Variants in MB21D2 observed in about 807,000 individuals in gnomAD.
The protein encoded by MB21D2 is nucleotidyltransferase MB21D2.
Under a neutral mutation model 33.3 loss-of-function variants are expected in MB21D2, and 9 were observed. The ratio of observed to expected loss-of-function variants is 0.27; its 90% confidence interval spans 0.16 to 0.47. The LOEUF (loss-of-function observed/expected upper bound fraction) is 0.47. Ranked by LOEUF, MB21D2 falls within the 20% of genes least tolerant of loss-of-function variation. The pLI is 0.99. For synonymous variants in MB21D2, 241 were observed against 236.3 expected (o/e 1.02, Z -0.18); for missense variants, 540 against 624.6 (o/e 0.86, Z 1.44).
intron 1 of MB21D2, among the ~76,000 whole-genome samples, chr3:192,857,961 C>A (rs950447177): frequency 3.9e-5 from 6 of 152,032 alleles, no homozygotes; most frequent in African/African-American, 1.4e-4. Context: ...CCTATCTCTA[C>A]TAAAATTACA....
chr3:192,914,114 T>C (rs546512012), intron 1 of MB21D2, among the ~76,000 whole-genome samples: 5 of 152,280 alleles, frequency 3.3e-5, no homozygotes, highest in African/African-American at 1.2e-4. Flanking sequence ...TAGTCTCAAG[T>C]AGGAGAAGAG....
chr3:192,888,574 G>C lies in MB21D2; in HGVS notation c.211+29056C>G, dbSNP rs117378106. 6.6e-5 allele frequency among the ~76,000 whole-genome samples: 10 copies of C among 152,158 alleles called. No homozygotes were observed. In the East Asian group the frequency reaches 1.7e-3, roughly 26 times the overall value. On this transcript the variant is annotated intron_variant, in intron 1 of 1. Coordinates refer to ENST00000392452, the MANE Select transcript of MB21D2 (RefSeq NM_178496.4). ...ACTTAACCAAAGTCTTCCGTCCTCA[G>C]AGAAATGCTCTATTATCTGGTAGAC...
chr3:192,817,722 G>C lies in MB21D2; in HGVS notation c.212-18072C>G, dbSNP rs557256674. The stretch of plus-strand genomic sequence containing the variant: ...AGCCAGGGTCCTCACATCTCTCACA[G>C]GGACAACTGCAATACCTCCGAACTA... On this transcript the variant is annotated intron_variant, in intron 1 of 1. Coordinates refer to ENST00000392452, the MANE Select transcript of MB21D2 (RefSeq NM_178496.4). Among the ~76,000 whole-genome samples, 30 of 152,106 alleles carry C rather than the reference G, an allele frequency of 2.0e-4. 1 individual carries two copies. The South Asian group carries it at 4.4e-3, about 22-fold the overall frequency.
chr3:192,907,630 G>T (rs957587884), intron 1 of MB21D2, among the ~76,000 whole-genome samples: 2 of 152,086 alleles, frequency 1.3e-5, no homozygotes, highest in Non-Finnish European at 2.9e-5. Context: ...TTTCTCAAAG[G>T]CCTGACCTAA....
chr3:192,873,697 C>CTT (rs1315195441), intron 1 of MB21D2, among the ~76,000 whole-genome samples: 1 of 151,734 alleles, frequency 6.6e-6, no homozygotes, highest in Non-Finnish European at 1.5e-5. Context: ...TAGTGCATTT[C>CTT]TTTTTTTGTT....
chr3:192,810,530 C>T (rs1162874446), intron 1 of MB21D2, among the ~76,000 whole-genome samples: 2 of 152,184 alleles, frequency 1.3e-5, no homozygotes, highest in Non-Finnish European at 2.9e-5. Context: ...AAGACCCTGT[C>T]TTACTTTAGA....
intron 1 of MB21D2, among the ~76,000 whole-genome samples, chr3:192,819,945 C>G (rs960815526): frequency 1.3e-5 from 2 of 152,130 alleles, no homozygotes; most frequent in Admixed American, 6.5e-5. Flanking sequence ...AGCAGGACAC[C>G]CAGGGCCTAG....
intron 1 of MB21D2, among the ~76,000 whole-genome samples, chr3:192,814,641 T>G (rs1260771554): frequency 1.3e-5 from 2 of 152,158 alleles, no homozygotes; most frequent in East Asian, 3.9e-4. Context: ...GGTGGGCAGA[T>G]CACGAGGTCA....
chr3:192,810,114 G>A (rs1711753857), intron 1 of MB21D2, among the ~76,000 whole-genome samples: 1 of 152,150 alleles, frequency 6.6e-6, no homozygotes, highest in African/African-American at 2.4e-5. Context: ...AACTCTAATG[G>A]AAGAAAGTCT....
chr3:192,816,284 G>A lies in MB21D2; in HGVS notation c.212-16634C>T, dbSNP rs545905672. ...TAAAGGACTCAGGTGTGCTACGATT[G>A]TGAGATGCAAAAATCCCATTTTTAA... On this transcript the variant is annotated intron_variant, in intron 1 of 1. Coordinates refer to ENST00000392452, the MANE Select transcript of MB21D2 (RefSeq NM_178496.4). Among the ~76,000 whole-genome samples, 3 of 152,018 alleles carry A rather than the reference G, an allele frequency of 2.0e-5. No individual in the cohort carries two copies. The South Asian group carries it at 6.2e-4, about 32-fold the overall frequency.
intron 1 of MB21D2, among the ~76,000 whole-genome samples, chr3:192,871,611 C>T (rs986495617): frequency 8.5e-5 from 13 of 152,092 alleles, no homozygotes; most frequent in Non-Finnish European, 1.5e-5. Flanking sequence ...ATAAGGAAGG[C>T]AAAGCATGTT....
intron 1 of MB21D2, among the ~76,000 whole-genome samples, chr3:192,908,459 C>G (rs6799112): frequency 1.9e-3 from 287 of 149,864 alleles, no homozygotes; most frequent in African/African-American, 6.8e-3. Flanking sequence ...AGTACAGTGA[C>G]GCGATCTAGG....
chr3:192,862,879 TG>T (rs1272228944), intron 1 of MB21D2, among the ~76,000 whole-genome samples: 1 of 152,200 alleles, frequency 6.6e-6, no homozygotes, highest in Admixed American at 6.5e-5. Context: ...ATTCCGTGCC[TG>T]GGGGAGGCTT....
chr3:192,808,227 A>G (rs1238233534), intron 1 of MB21D2, among the ~76,000 whole-genome samples: 1 of 152,234 alleles, frequency 6.6e-6, no homozygotes, highest in Non-Finnish European at 1.5e-5. Flanking sequence ...AGAACTGGGA[A>G]TCTGTGATAT....
chr3:192,883,492 C>T (rs1026405151), intron 1 of MB21D2, among the ~76,000 whole-genome samples: 2 of 151,940 alleles, frequency 1.3e-5, no homozygotes, highest in Non-Finnish European at 2.9e-5. Context: ...GTGGCTGAAG[C>T]GTAGGGAATT....
intron 1 of MB21D2, among the ~76,000 whole-genome samples, chr3:192,882,258 A>G (rs1021549342): frequency 2.0e-5 from 3 of 151,950 alleles, no homozygotes; most frequent in Admixed American, 6.6e-5. Flanking sequence ...TATTTTTCGT[A>G]GAGATGGGGT....
At position 192,799,664 on chromosome 3, in the gene MB21D2, A is replaced by G; in HGVS notation, c.212-14T>C. 2 of 1,605,254 alleles carry G rather than the reference A, an allele frequency of 1.2e-6. No homozygotes were observed. The highest frequency in any genetic ancestry group is 1.7e-6 in the Non-Finnish European group (2 of 1,176,382). On this transcript the variant is annotated splice_polypyrimidine_tract_variant and intron_variant, in intron 1 of 1. Transcript: ENST00000392452. The surrounding 1 kb of genome is among the most constrained non-coding windows in gnomAD (Gnocchi z 4.1). ...TTTGCACCATTCCTGGAAATAAAGA[A>G]GAAAAAAACAACACTATTACAGGAA...
At chr3:192,911,385 T>C (rs1209915705) in intron 1 of MB21D2, among the ~76,000 whole-genome samples, 1 of 152,200 alleles carries the variant, frequency 6.6e-6, no homozygotes, top group African/African-American at 2.4e-5. Context: ...CCACTATTAC[T>C]TTCCAGGAGC....
At chr3:192,809,093 T>C (rs1711730252) in intron 1 of MB21D2, among the ~76,000 whole-genome samples, 1 of 152,152 alleles carries the variant, frequency 6.6e-6, no homozygotes, top group African/African-American at 2.4e-5. Context: ...TGGGCAATAG[T>C]GTCCCCCTTC....
Sources: gnomAD v4.1 joint callset for allele counts (sites outside exome capture counted in the v4.1 genomes callset) on GRCh38, gnomAD v4.1.1 for gene constraint, Gnocchi (gnomAD v3.1) non-coding constraint, MANE v1.5 for transcripts, NCBI Gene and HGNC (gene_info 2026-07-23, HGNC 2026-07-21) for gene names.